CSMD2: variants seen among roughly 807,000 people sequenced by gnomAD.
The protein encoded by CSMD2 is CUB and sushi domain-containing protein 2.
A neutral mutation model predicts 398.5 loss-of-function variants in CSMD2; 130 were observed. The ratio of observed to expected loss-of-function variants is 0.33; its 90% confidence interval spans 0.28 to 0.38. The LOEUF is 0.38. Ranked by LOEUF, CSMD2 falls within the 10% of genes least tolerant of loss-of-function variation. The probability of loss-of-function intolerance (pLI) is 1.00; values close to 1 mark genes in which losing one functional copy is unlikely to be tolerated. For synonymous variants in CSMD2, 1,828 were observed against 1,908.5 expected, an observed-to-expected ratio of 0.96 and a Z score of 1.10; for missense variants, 3,829 against 4,764.9, an observed-to-expected ratio of 0.80 and a Z score of 5.78.
rs1421135446 is a variant in CSMD2, at chr1:33,830,623, C to T, written c.1034-4849G>A. ...GAGCGCCTCTCCTCCTCCAAAGGAACGCAGTTCCTCACCAGCAACGGAACA... is the reference window on the plus strand; with the variant it reads ...GAGCGCCTCTCCTCCTCCAAAGGAATGCAGTTCCTCACCAGCAACGGAACA... On this transcript the variant is annotated intron_variant, in intron 6 of 70. Coordinates refer to ENST00000373381, the MANE Select transcript of CSMD2 (RefSeq NM_001281956.2). 2.5e-4 allele frequency among the ~76,000 whole-genome samples: 38 copies of T among 152,298 alleles called. No individual in the cohort carries two copies. In the East Asian group the frequency reaches 4.8e-3, roughly 19 times the overall value.
chr1:33,953,829 C>A (rs1292585382), intron 3 of CSMD2, among the ~76,000 whole-genome samples: 3 of 152,156 alleles, frequency 2.0e-5, no homozygotes, highest in Non-Finnish European at 2.9e-5. Flanking sequence ...ACTCAGGAGC[C>A]AGCTATGAGC....
intron 19 of CSMD2, 140 bp from the exon 20 acceptor site, chr1:33,716,641 T>C: frequency 3.1e-6 from 2 of 639,204 alleles, no homozygotes; most frequent in South Asian, 1.9e-5. Context: ...TGACAAATCA[T>C]ACAGGTGAAT....
intron 3 of CSMD2, among the ~76,000 whole-genome samples, chr1:34,027,643 T>C (rs2148135243): frequency 6.6e-6 from 1 of 152,348 alleles, no homozygotes; most frequent in East Asian, 1.9e-4. Flanking sequence ...AATGGCTTCC[T>C]CAGTGATGTT....
At chr1:33,586,030 G>T (rs962518858) in intron 46 of CSMD2, among the ~76,000 whole-genome samples, 2 of 152,218 alleles carry the variant, frequency 1.3e-5, no homozygotes, top group Non-Finnish European at 2.9e-5. Context: ...TAATTGGGGT[G>T]ACTCGCTGAA....
chr1:33,986,984 G>A (rs923840328), intron 3 of CSMD2, among the ~76,000 whole-genome samples: 19 of 152,160 alleles, frequency 1.2e-4, no homozygotes, highest in African/African-American at 4.6e-4. Context: ...GCTGGCTCCA[G>A]GTTGCAGGTA....
chr1:33,984,450 T>C (rs1646279062), intron 3 of CSMD2, among the ~76,000 whole-genome samples: 1 of 152,108 alleles, frequency 6.6e-6, no homozygotes, highest in African/African-American at 2.4e-5. Flanking sequence ...AGCAAGACAC[T>C]CAAGTGTGAA....
At chr1:33,617,689 T>C (rs974103695) in intron 37 of CSMD2, 72 bp from the exon 38 acceptor site, 2 of 1,154,576 alleles carry the variant, frequency 1.7e-6, no homozygotes, top group African/African-American at 3.0e-5. Flanking sequence ...TAGGCTGGGG[T>C]GAGATGCTGG....
chr1:33,726,415 G>A, intron 16 of CSMD2, 132 bp downstream of exon 16: 2 of 1,073,254 alleles, frequency 1.9e-6, no homozygotes, highest in Middle Eastern at 3.2e-4. Flanking sequence ...AGGGCAATTT[G>A]GTCCAGTGTT....
intron 12 of CSMD2, among the ~76,000 whole-genome samples, chr1:33,781,274 A>G (rs1454760937): frequency 6.6e-6 from 1 of 152,174 alleles, no homozygotes; most frequent in African/African-American, 2.4e-5. Flanking sequence ...TCCTTCAAGC[A>G]AGTCTCAGTT....
At chr1:33,688,533 A>G (rs1345355120) in intron 25 of CSMD2, among the ~76,000 whole-genome samples, 2 of 152,214 alleles carry the variant, frequency 1.3e-5, no homozygotes, top group East Asian at 3.8e-4. Context: ...TTTTAAAAAA[A>G]TGATTATCTG....
chr1:34,160,614 C>T (rs1641243269), intron 1 of CSMD2, among the ~76,000 whole-genome samples: 1 of 152,176 alleles, frequency 6.6e-6, no homozygotes, highest in Non-Finnish European at 1.5e-5. Context: ...GATCAAACAG[C>T]CATACATCAA....
Position 34,092,567 on chromosome 1 carries a change from G to A in CSMD2, c.188-3374C>T, listed in dbSNP as rs575093965. ...TGGGTGCGCGCACCGTGCACGAGCC[G>A]AAGCAGGGCGAGGCATTGCCTCACT... On this transcript the variant is annotated intron_variant, in intron 1 of 70. Coordinates refer to ENST00000373381, the MANE Select transcript of CSMD2 (RefSeq NM_001281956.2). Among the ~76,000 whole-genome samples the A allele has an allele frequency of 5.5e-3, 842 of 152,282 alleles. 10 individuals are homozygous for A. Among genetic ancestry groups the A allele is most frequent in the Middle Eastern group, 6.8e-3 (2 of 294 alleles).
intron 3 of CSMD2, among the ~76,000 whole-genome samples, chr1:34,017,077 A>C (rs1224932763): frequency 6.6e-6 from 1 of 152,244 alleles, no homozygotes. Flanking sequence ...AAAATCCAGT[A>C]TATATGCCAG....
At position 33,523,360 on chromosome 1, in the gene CSMD2, C is replaced by T. The variant is rs1184664313; in HGVS notation, c.10456G>A (p.Val3486Met). 6 of 1,604,186 alleles carry T rather than the reference C, an allele frequency of 3.7e-6. No individual in the cohort carries two copies. The highest frequency in any genetic ancestry group is 5.1e-6 in the Non-Finnish European group (6 of 1,171,296). The change falls in exon 67 of 71, where the codon GTG becomes ATG. Residue 3486 changes from valine (V) to methionine (M), a missense_variant. Transcript: ENST00000373381. ...LLQVYQITGP[V>M]EIFMNKFKDD... ...TTGAACTTATTCATAAAGATCTCCA[C>T]AGGCCCTGTAATCTGGTACACCTGG...
Position 33,624,464 on chromosome 1 carries a change from T to C in CSMD2, c.5625+55A>G, listed in dbSNP as rs201306781. ...GCACCTGTGGTTGTCACCTGTGAGC[T>C]GTTACCTGGGAGCAGACGGCCACCT... On this transcript the variant is annotated intron_variant, in intron 35 of 70. Coordinates refer to ENST00000373381, the MANE Select transcript of CSMD2 (RefSeq NM_001281956.2). The surrounding 1 kb of genome is among the most constrained non-coding windows in gnomAD (Gnocchi z 4.7). 1.4e-5 allele frequency: 22 copies of C among 1,599,008 alleles called. No homozygotes were observed. The highest frequency in any genetic ancestry group is 1.8e-5 in the Non-Finnish European group (21 of 1,171,958).
chr1:33,655,097 T>C (rs1643908054), intron 27 of CSMD2, among the ~76,000 whole-genome samples: 1 of 152,196 alleles, frequency 6.6e-6, no homozygotes. Context: ...GAGGGGTCCT[T>C]TTGAGCTTAC....
intron 1 of CSMD2, among the ~76,000 whole-genome samples, chr1:34,127,583 A>T (rs1007120531): frequency 6.6e-6 from 1 of 152,136 alleles, no homozygotes; most frequent in Non-Finnish European, 1.5e-5. Context: ...GCCTGTTCTC[A>T]GTGAGGTACC....
chr1:34,030,512 C>G, intron 3 of CSMD2, among the ~76,000 whole-genome samples: 1 of 152,156 alleles, frequency 6.6e-6, no homozygotes, highest in East Asian at 1.9e-4. Context: ...TATATTCTCC[C>G]TAGAAAAAGA....
At position 33,575,022 on chromosome 1, in the gene CSMD2, G is replaced by A. The variant is rs574521942; in HGVS notation, c.7576+2274C>T. On this transcript the variant is annotated intron_variant, in intron 49 of 70. Coordinates refer to ENST00000373381, the MANE Select transcript of CSMD2 (RefSeq NM_001281956.2). The stretch of plus-strand genomic sequence containing the variant: ...CCTTGCTCTTGTAGATAACTAAGGG[G>A]ACAGAAGATAATACTCCAGCCTGAG... 2.2e-3 allele frequency among the ~76,000 whole-genome samples: 339 copies of A among 152,312 alleles called. 2 individuals carry two copies. Among genetic ancestry groups the A allele is most frequent in the African/African-American group, 7.8e-3 (324 of 41,564 alleles).
Sources: gnomAD v4.1 joint callset for allele counts (sites outside exome capture counted in the v4.1 genomes callset) on GRCh38, gnomAD v4.1.1 for gene constraint, Gnocchi (gnomAD v3.1) non-coding constraint, MANE v1.5 for transcripts, NCBI Gene and HGNC (gene_info 2026-07-23, HGNC 2026-07-21) for gene names.